DNAJC1: variants seen among roughly 807,000 people sequenced by gnomAD.
DNAJC1 encodes the protein DnaJ heat shock protein family (Hsp40) member C1.
A neutral mutation model predicts 76.6 loss-of-function variants in DNAJC1; 58 were observed. The ratio of observed to expected loss-of-function variants is 0.76; its 90% CI spans 0.61 to 0.94. DNAJC1 has a LOEUF of 0.94. DNAJC1 is among the 40% of genes least tolerant of loss of function. The probability of loss-of-function intolerance (pLI) is 0.00; values close to 1 mark genes in which losing one functional copy is unlikely to be tolerated. For synonymous variants in DNAJC1, 258 were observed against 267.9 expected, an observed-to-expected ratio of 0.96 and a Z score of 0.36; for missense variants, 689 against 677.3, an observed-to-expected ratio of 1.02 and a Z score of -0.19.
rs190068990 is a variant in DNAJC1, at chr10:21,983,033, C to G, written c.222+20180G>C. Among the ~76,000 whole-genome samples, 17 of 152,144 alleles carry G rather than the reference C, an allele frequency of 1.1e-4. No homozygotes were observed. In the East Asian group the frequency reaches 3.3e-3, roughly 29 times the overall value. The stretch of plus-strand genomic sequence containing the variant: ...TCATGCCACTCAACTCCAGCCTGGG[C>G]AAGAGAGGAAGACTCTGTCTCAAAA... On this transcript the variant is annotated intron_variant, in intron 1 of 11. Coordinates refer to ENST00000376980, the MANE Select transcript of DNAJC1 (RefSeq NM_022365.4).
At chr10:21,781,097 A>T (rs1157442941) in intron 9 of DNAJC1, among the ~76,000 whole-genome samples, 1 of 152,226 alleles carries the variant, frequency 6.6e-6, no homozygotes, top group Non-Finnish European at 1.5e-5. Context: ...TCATAAAGCA[A>T]GTACTTAGAG....
intron 7 of DNAJC1, among the ~76,000 whole-genome samples, chr10:21,890,626 C>T (rs1836446680): frequency 6.6e-6 from 1 of 151,958 alleles, no homozygotes. Flanking sequence ...CCTGAGAATC[C>T]ACAAACGCTC....
intron 7 of DNAJC1, among the ~76,000 whole-genome samples, chr10:21,889,373 T>C (rs1836423814): frequency 6.6e-6 from 1 of 152,176 alleles, no homozygotes; most frequent in Non-Finnish European, 1.5e-5. Flanking sequence ...GGTGATTATA[T>C]TTCAACATGA....
At chr10:21,969,053 G>A (rs141084332) in intron 1 of DNAJC1, among the ~76,000 whole-genome samples, 2,672 of 151,744 alleles carry the variant, frequency 0.018, 32 homozygotes, top group Middle Eastern at 0.079. Flanking sequence ...GTGAAACCCC[G>A]TATCTACTAA....
At chr10:21,863,129 T>G (rs542566497) in intron 8 of DNAJC1, among the ~76,000 whole-genome samples, 1 of 151,670 alleles carries the variant, frequency 6.6e-6, no homozygotes, top group Non-Finnish European at 1.5e-5. Flanking sequence ...TGAAACTCCG[T>G]CTCAGAAAAA....
At chr10:21,772,718 ATTG>A (rs1456785127) in intron 9 of DNAJC1, among the ~76,000 whole-genome samples, 2 of 151,578 alleles carry the variant, frequency 1.3e-5, no homozygotes, top group East Asian at 3.9e-4. Flanking sequence ...CTATTTCTTT[ATTG>A]TTCTCTATTT....
At chr10:21,846,234 A>G (rs1003089531) in intron 8 of DNAJC1, among the ~76,000 whole-genome samples, 1 of 152,246 alleles carries the variant, frequency 6.6e-6, no homozygotes, top group African/African-American at 2.4e-5. Context: ...AATGCCTGTC[A>G]TGTAATAAAT....
intron 1 of DNAJC1, among the ~76,000 whole-genome samples, chr10:21,953,862 A>C (rs1023618121): frequency 2.7e-5 from 4 of 150,662 alleles, no homozygotes; most frequent in Non-Finnish European, 4.4e-5. Context: ...GAAAAAAAAA[A>C]CCAACTATGT....
intron 8 of DNAJC1, among the ~76,000 whole-genome samples, chr10:21,863,598 A>G (rs1835950908): frequency 6.6e-6 from 1 of 152,170 alleles, no homozygotes; most frequent in African/African-American, 2.4e-5. Context: ...TAAACTGAAA[A>G]GAAAATTTGC....
intron 8 of DNAJC1, among the ~76,000 whole-genome samples, chr10:21,880,561 T>C (rs2131720160): frequency 6.6e-6 from 1 of 152,276 alleles, no homozygotes; most frequent in South Asian, 2.1e-4. Context: ...CATATCTCCC[T>C]CAGAGCTCTT....
intron 7 of DNAJC1, among the ~76,000 whole-genome samples, chr10:21,891,498 AAAG>A (rs1198074486): frequency 1.0e-4 from 15 of 150,040 alleles, no homozygotes; most frequent in African/African-American, 3.7e-4. Flanking sequence ...AAAAAAAAGA[AAAG>A]AAAAAAAAAA....
chr10:21,860,564 C>T (rs1318134269), intron 8 of DNAJC1, among the ~76,000 whole-genome samples: 2 of 151,882 alleles, frequency 1.3e-5, no homozygotes, highest in African/African-American at 2.4e-5. Context: ...CATGGTGGTG[C>T]GCACCTGTAA....
intron 1 of DNAJC1, among the ~76,000 whole-genome samples, chr10:21,993,502 G>A (rs1590084248): frequency 1.3e-5 from 2 of 152,070 alleles, no homozygotes; most frequent in East Asian, 1.9e-4. Context: ...TTTTGTTTTC[G>A]TCTGTCTCAT....
At chr10:21,846,824 T>C (rs1475604832) in intron 8 of DNAJC1, among the ~76,000 whole-genome samples, 3 of 151,972 alleles carry the variant, frequency 2.0e-5, no homozygotes, top group Admixed American at 2.0e-4. Flanking sequence ...TTGTCTCGTT[T>C]GTATTTCAAA....
chr10:21,779,422 A>G (rs1388779987), intron 9 of DNAJC1, among the ~76,000 whole-genome samples: 2 of 152,200 alleles, frequency 1.3e-5, no homozygotes, highest in East Asian at 3.9e-4. Flanking sequence ...TCAGGCAGCA[A>G]CATTTGCTGT....
intron 1 of DNAJC1, among the ~76,000 whole-genome samples, chr10:21,941,217 C>A (rs891823051): frequency 7.5e-6 from 1 of 134,098 alleles, no homozygotes; most frequent in Non-Finnish European, 1.5e-5. Flanking sequence ...TGCAGTGAGC[C>A]GAGATCGCGC....
At chr10:21,785,728 C>T (rs1480639682) in intron 9 of DNAJC1, 1 of 151,848 alleles carries the variant, frequency 6.6e-6, no homozygotes, top group Admixed American at 6.6e-5. Flanking sequence ...CTGTTGAACA[C>T]AGGAAAGAAC....
intron 1 of DNAJC1, among the ~76,000 whole-genome samples, chr10:21,969,241 AAAGG>A (rs1837937777): frequency 2.0e-5 from 3 of 151,884 alleles, no homozygotes; most frequent in Admixed American, 6.5e-5. Context: ...AAAAAAAAAA[AAAGG>A]AGGAAAATCC....
At chr10:21,933,243 A>G (rs192598082) in intron 1 of DNAJC1, 1 of 152,616 alleles carries the variant, frequency 6.6e-6, no homozygotes, top group Non-Finnish European at 1.5e-5. Flanking sequence ...TTCTTCCCTC[A>G]CTGCTCCATG....
Sources: allele counts gnomAD v4.1 joint callset (sites outside exome capture counted in the v4.1 genomes callset), GRCh38; gene constraint gnomAD v4.1.1; transcripts MANE v1.5; gene names NCBI Gene and HGNC (gene_info 2026-07-23, HGNC 2026-07-21).